Variants in ANO6 observed in about 807,000 individuals in gnomAD.
ANO6 encodes anoctamin-6.
ANO6 carries 106 observed loss-of-function variants against 117.5 expected under a neutral mutation model. The observed-to-expected ratio is 0.90, with a 90% CI of 0.77 to 1.06. The LOEUF is 1.06. Among genes scored for constraint, ANO6 ranks in the 50% least tolerant of loss-of-function variants. ANO6 has a pLI of 0.00. For synonymous variants in ANO6, 367 were observed against 385.1 expected, an observed-to-expected ratio of 0.95 and a Z score of 0.55; for missense variants, 955 against 1,121.1, an observed-to-expected ratio of 0.85 and a Z score of 2.12.
chr12:45,223,922 G>T (rs1947442718), intron 1 of ANO6, among the ~76,000 whole-genome samples: 2 of 152,094 alleles, frequency 1.3e-5, no homozygotes, highest in Non-Finnish European at 2.9e-5. Flanking sequence ...AAGATAACTT[G>T]ATTAACATAA....
At chr12:45,236,754 T>A (rs1269534243) in intron 1 of ANO6, among the ~76,000 whole-genome samples, 1 of 152,216 alleles carries the variant, frequency 6.6e-6, no homozygotes, top group East Asian at 1.9e-4. Context: ...AGTAATGGGA[T>A]GGCTGGGTCA....
intron 16 of ANO6, among the ~76,000 whole-genome samples, chr12:45,413,785 G>GCCAGCA (rs1465560909): frequency 2.0e-5 from 3 of 148,590 alleles, no homozygotes; most frequent in African/African-American, 7.6e-5. Flanking sequence ...GAAAGGAAGA[G>GCCAGCA]CCAGCACCTA....
chr12:45,378,224 C>A, intron 10 of ANO6, 111 bp downstream of exon 10: 1 of 1,021,132 alleles, frequency 9.8e-7, no homozygotes, highest in Non-Finnish European at 1.5e-6. Context: ...GGCTTCAACT[C>A]CCCTAGAATT....
At chr12:45,394,032 T>G (rs1396292609) in intron 12 of ANO6, among the ~76,000 whole-genome samples, 1 of 152,150 alleles carries the variant, frequency 6.6e-6, no homozygotes. Flanking sequence ...AATGCCCCAA[T>G]TAAAAGACAC....
rs113746107 is a variant in ANO6, at chr12:45,249,868, T to G, written c.70+33477T>G. Among the ~76,000 whole-genome samples, 68 of 152,342 alleles carry G rather than the reference T, an allele frequency of 4.5e-4. 1 individual carries two copies. The highest frequency in any genetic ancestry group is 1.6e-3 in the African/African-American group (67 of 41,576). ...CAGAACTTGTCTTTGAAATTGTCTT[T>G]TCTTTATTCATTAACAGTTTAATGA... On this transcript the variant is annotated intron_variant, in intron 1 of 19. Transcript: ENST00000320560.
intron 7 of ANO6, among the ~76,000 whole-genome samples, chr12:45,350,984 G>A (rs1343334351): frequency 6.6e-6 from 1 of 152,194 alleles, no homozygotes; most frequent in Non-Finnish European, 1.5e-5. Context: ...CCTCCCCCTG[G>A]AAGATGGCCA....
intron 1 of ANO6, among the ~76,000 whole-genome samples, chr12:45,236,064 G>T (rs1302502540): frequency 6.6e-6 from 1 of 152,192 alleles, no homozygotes; most frequent in Non-Finnish European, 1.5e-5. Flanking sequence ...TTAGTTACAG[G>T]TGCATGCATA....
chr12:45,313,742 G>A (rs1315132769), intron 2 of ANO6, among the ~76,000 whole-genome samples: 1 of 152,006 alleles, frequency 6.6e-6, no homozygotes, highest in Non-Finnish European at 1.5e-5. Context: ...ATCATACCCA[G>A]CAATATTATA....
chr12:45,418,906 C>T (rs1196846750), intron 17 of ANO6, among the ~76,000 whole-genome samples: 1 of 152,174 alleles, frequency 6.6e-6, no homozygotes, highest in Non-Finnish European at 1.5e-5. Flanking sequence ...TCCAAGATGG[C>T]AGTTATACAT....
intron 12 of ANO6, among the ~76,000 whole-genome samples, chr12:45,397,821 T>TGGGGCCTG (rs1466548374): frequency 6.6e-6 from 1 of 152,064 alleles, no homozygotes; most frequent in Non-Finnish European, 1.5e-5. Flanking sequence ...CATCACATAG[T>TGGGGCCTG]GGGGCCTGTT....
chr12:45,364,426 A>G (rs984574380), intron 8 of ANO6, among the ~76,000 whole-genome samples: 32 of 152,094 alleles, frequency 2.1e-4, no homozygotes, highest in Admixed American at 7.2e-4. Flanking sequence ...GGACTTCTAT[A>G]ATGTATGTGT....
intron 17 of ANO6, among the ~76,000 whole-genome samples, chr12:45,417,525 T>C (rs1248938073): frequency 6.6e-6 from 1 of 152,180 alleles, no homozygotes; most frequent in Non-Finnish European, 1.5e-5. Flanking sequence ...GTATCCCAGC[T>C]GTGAGGGGAC....
intron 6 of ANO6, among the ~76,000 whole-genome samples, chr12:45,349,759 A>G (rs933970961): frequency 5.9e-5 from 9 of 152,180 alleles, no homozygotes; most frequent in African/African-American, 2.2e-4. Flanking sequence ...AAGAGACCCA[A>G]TGTAGCCATC....
At chr12:45,306,168 G>A (rs909638108) in intron 2 of ANO6, among the ~76,000 whole-genome samples, 14 of 152,154 alleles carry the variant, frequency 9.2e-5, no homozygotes, top group Admixed American at 3.9e-4. Context: ...AAGGAATTAC[G>A]TTTTATGATC....
intron 2 of ANO6, among the ~76,000 whole-genome samples, chr12:45,305,572 C>T (rs1939641853): frequency 6.6e-6 from 1 of 152,010 alleles, no homozygotes. Context: ...CATTTGGGGA[C>T]ATGGATGAAA....
intron 19 of ANO6, among the ~76,000 whole-genome samples, chr12:45,428,182 A>G (rs1490621320): frequency 2.0e-5 from 3 of 152,206 alleles, no homozygotes; most frequent in Non-Finnish European, 2.9e-5. Context: ...TTTTTCCTAA[A>G]ACAAAAACTG....
chr12:45,267,665 C>T (rs781599745), intron 1 of ANO6, among the ~76,000 whole-genome samples: 1 of 152,088 alleles, frequency 6.6e-6, no homozygotes, highest in Non-Finnish European at 1.5e-5. Context: ...GTGGCGGGCA[C>T]CTGTAATCCC....
chr12:45,358,565 C>A (rs1185688478), intron 8 of ANO6, among the ~76,000 whole-genome samples: 2 of 151,982 alleles, frequency 1.3e-5, no homozygotes, highest in African/African-American at 4.8e-5. Flanking sequence ...ACTTATTTTA[C>A]AAAATCACCA....
chr12:45,353,576 A>G (rs1941337890), intron 7 of ANO6, among the ~76,000 whole-genome samples: 1 of 152,048 alleles, frequency 6.6e-6, no homozygotes, highest in South Asian at 2.1e-4. Flanking sequence ...CTTTCCCTTC[A>G]TTGCTTCCCA....
Sources: allele counts gnomAD v4.1 joint callset (sites outside exome capture counted in the v4.1 genomes callset), GRCh38; gene constraint gnomAD v4.1.1; transcripts MANE v1.5; gene names NCBI Gene and HGNC (gene_info 2026-07-23, HGNC 2026-07-21).